TMED8: variants seen among roughly 807,000 people sequenced by gnomAD.
TMED8 encodes transmembrane p24 trafficking protein family member 8, also known as protein TMED8.
TMED8 carries 15 observed loss-of-function variants against 32.7 expected under a neutral mutation model. The ratio of observed to expected loss-of-function variants is 0.46; its 90% CI spans 0.31 to 0.71. The LOEUF is 0.71. Ranked by LOEUF, TMED8 falls within the 30% of genes least tolerant of loss-of-function variation. The pLI is 0.06. For synonymous variants in TMED8, 147 were observed against 161.4 expected, an observed-to-expected ratio of 0.91 and a Z score of 0.68; for missense variants, 390 against 423.9, an observed-to-expected ratio of 0.92 and a Z score of 0.70.
rs1893824777 is a variant in TMED8, at chr14:77,376,657, C to G, written c.118+279G>C. ...GCTGAAACTGAAGCTGAAGAGGCGC[C>G]AGGGGCAGAGCCACCCTGTCACTAC... On this transcript the variant is annotated intron_variant, in intron 1 of 5. Transcript: ENST00000216468. The surrounding 1 kb of genome is among the most constrained non-coding windows in gnomAD (Gnocchi z 4.0). 3 of 250,770 alleles carry G rather than the reference C, an allele frequency of 1.2e-5. No individual in the cohort carries two copies. The highest frequency in any genetic ancestry group is 6.7e-5 in the African/African-American group (3 of 44,556). The allele number at this position is 250,770 out of a possible 1,614,324, so 15.5% of individuals were successfully genotyped here.
chr14:77,354,211 T>G (rs914042450), intron 1 of TMED8, among the ~76,000 whole-genome samples: 8 of 152,186 alleles, frequency 5.3e-5, no homozygotes, highest in African/African-American at 1.9e-4. Context: ...GACACAATAT[T>G]TCTTGACATA....
chr14:77,338,827 G>A lies in TMED8; in HGVS notation c.*2944C>T, dbSNP rs1255935966. The A allele has an allele frequency of 1.1e-4, 17 of 152,140 alleles. No individual in the cohort carries two copies. Among genetic ancestry groups the A allele is most frequent in the Admixed American group, 1.1e-3 (17 of 15,276 alleles). 9.4% of individuals were successfully genotyped at this position (152,140 alleles called of 1,614,324 possible). On this transcript the variant is annotated 3_prime_UTR_variant, in exon 6 of 6. Coordinates refer to ENST00000216468, the MANE Select transcript of TMED8 (RefSeq NM_213601.3). ...TGAAATTTTTTCACAATAAAACACT[G>A]GGGGAAAAGAAATCAATACTTTAAA... is the stretch of plus-strand genomic sequence containing the variant.
At chr14:77,348,838 A>G (rs1893112272) in intron 2 of TMED8, among the ~76,000 whole-genome samples, 2 of 152,216 alleles carry the variant, frequency 1.3e-5, no homozygotes, top group African/African-American at 4.8e-5. Flanking sequence ...GACAGACAAG[A>G]GGAGGTCACT....
intron 1 of TMED8, among the ~76,000 whole-genome samples, chr14:77,354,954 C>T (rs920228042): frequency 1.1e-4 from 15 of 130,510 alleles, no homozygotes; most frequent in Non-Finnish European, 2.2e-4. Context: ...AACTCTGTCT[C>T]AAAAAAAAAA....
At chr14:77,351,313 C>T (rs1055050302) in intron 2 of TMED8, among the ~76,000 whole-genome samples, 3 of 151,568 alleles carry the variant, frequency 2.0e-5, no homozygotes, top group African/African-American at 4.8e-5. Context: ...GATGAAACCC[C>T]GTCTCTACTA....
chr14:77,368,437 T>G (rs1040854861), intron 1 of TMED8, among the ~76,000 whole-genome samples: 3 of 152,182 alleles, frequency 2.0e-5, no homozygotes, highest in African/African-American at 7.2e-5. Flanking sequence ...CCAAGTCTCT[T>G]GCCAATTTTA....
intron 2 of TMED8, among the ~76,000 whole-genome samples, chr14:77,350,422 G>A (rs541387925): frequency 6.9e-4 from 105 of 152,248 alleles, no homozygotes; most frequent in African/African-American, 2.5e-3. Flanking sequence ...ACAAACATCT[G>A]TTGAATAAAT....
chr14:77,363,416 T>C (rs1893481954), intron 1 of TMED8, among the ~76,000 whole-genome samples: 1 of 152,020 alleles, frequency 6.6e-6, no homozygotes, highest in Non-Finnish European at 1.5e-5. Flanking sequence ...CAAAAGAGAA[T>C]GGAAATATAA....
At chr14:77,372,087 G>T (rs781353071) in intron 1 of TMED8, among the ~76,000 whole-genome samples, 22 of 152,120 alleles carry the variant, frequency 1.4e-4, no homozygotes, top group Admixed American at 3.3e-4. Context: ...CATTACCATG[G>T]TTCCTCAGTG....
In TMED8 at chr14:77,338,178, A is replaced by T. The variant is rs1892810058; in HGVS notation, c.*3593T>A. 1 of 152,082 alleles carries T rather than the reference A, an allele frequency of 6.6e-6. No individual in the cohort carries two copies. The highest frequency in any genetic ancestry group is 6.5e-5 in the Admixed American group (1 of 15,276). 9.4% of individuals were successfully genotyped at this position (152,082 alleles called of 1,614,324 possible). ...TGTGGCAATAAAATACCAAATCCCA[A>T]CCTGACTCTGGTATAGCATCACATG... On this transcript the variant is annotated 3_prime_UTR_variant, in exon 6 of 6. Transcript: ENST00000216468.
At chr14:77,375,716 CAG>C (rs1452755447) in intron 1 of TMED8, among the ~76,000 whole-genome samples, 23 of 152,126 alleles carry the variant, frequency 1.5e-4, no homozygotes, top group Admixed American at 5.9e-4. Flanking sequence ...GAGTAGAAGA[CAG>C]AAAAAGGCAC....
intron 1 of TMED8, among the ~76,000 whole-genome samples, chr14:77,371,757 A>T (rs138685432): frequency 1.3e-3 from 191 of 152,364 alleles, no homozygotes; most frequent in African/African-American, 4.4e-3. Flanking sequence ...ACTATGCAGA[A>T]GAAAAAGCCA....
intron 1 of TMED8, among the ~76,000 whole-genome samples, chr14:77,355,567 T>A (rs1893273417): frequency 6.6e-6 from 1 of 152,162 alleles, no homozygotes; most frequent in Non-Finnish European, 1.5e-5. Flanking sequence ...GGCTACATAT[T>A]ATCCCATACG....
chr14:77,343,517 A>C (rs1291530250), intron 4 of TMED8, 34 bp from the exon 5 acceptor site: 1 of 1,604,490 alleles, frequency 6.2e-7, no homozygotes, highest in African/African-American at 1.3e-5. Context: ...CTGAGAAACC[A>C]TGAGGAAACA....
intron 1 of TMED8, among the ~76,000 whole-genome samples, chr14:77,365,097 G>A (rs1194060681): frequency 2.0e-5 from 3 of 152,088 alleles, no homozygotes; most frequent in African/African-American, 7.2e-5. Flanking sequence ...ATTTAAAGCA[G>A]CCCACTGAAT....
At chr14:77,352,765 G>A (rs771439525) in intron 1 of TMED8, among the ~76,000 whole-genome samples, 1 of 151,992 alleles carries the variant, frequency 6.6e-6, no homozygotes, top group African/African-American at 2.4e-5. Flanking sequence ...TAAAAAGAAA[G>A]AAATCATATT....
In TMED8 at chr14:77,336,318, C is replaced by G. The variant is rs1472923059; in HGVS notation, c.*5453G>C. The G allele has an allele frequency of 6.6e-6, 1 of 152,076 alleles. No homozygotes were observed. Among genetic ancestry groups the G allele is most frequent in the Admixed American group, 6.5e-5 (1 of 15,282 alleles). The allele number at this position is 152,076 out of a possible 1,614,324, so 9.4% of individuals were successfully genotyped here. On this transcript the variant is annotated 3_prime_UTR_variant, in exon 6 of 6. Coordinates refer to ENST00000216468, the MANE Select transcript of TMED8 (RefSeq NM_213601.3). Reference sequence around the variant, plus strand: ...TCTTTGAAGAGTCATGACATTAACTCTGGTCCACATACCTGGGGCCTAAAA... The same window carrying G: ...TCTTTGAAGAGTCATGACATTAACTGTGGTCCACATACCTGGGGCCTAAAA...
chr14:77,352,927 T>C (rs942065622), intron 1 of TMED8, among the ~76,000 whole-genome samples: 1 of 152,180 alleles, frequency 6.6e-6, no homozygotes, highest in African/African-American at 2.4e-5. Context: ...ACTTTTGTAT[T>C]TTCATTTATT....
intron 3 of TMED8, 143 bp downstream of exon 3, chr14:77,346,205 TG>T (rs1893027743): frequency 1.2e-6 from 1 of 804,276 alleles, no homozygotes; most frequent in Non-Finnish European, 1.9e-6. Flanking sequence ...CAAAAAATAA[TG>T]AAGACCAAGA....
Sources: allele counts gnomAD v4.1 joint callset (sites outside exome capture counted in the v4.1 genomes callset), GRCh38; gene constraint gnomAD v4.1.1; non-coding constraint Gnocchi (gnomAD v3.1); transcripts MANE v1.5; gene names NCBI Gene and HGNC (gene_info 2026-07-23, HGNC 2026-07-21).